The following CELF2 variants were observed in gnomAD, a reference collection of about 807,000 sequenced individuals.
CELF2 encodes the protein CUG triplet repeat RNA-binding protein 2.
A neutral mutation model predicts 62.6 loss-of-function variants in CELF2; 8 were observed. The ratio of observed to expected loss-of-function variants is 0.13; its 90% confidence interval spans 0.07 to 0.23. The LOEUF is 0.23. Ranked by LOEUF, CELF2 falls within the 10% of genes least tolerant of loss-of-function variation. CELF2 has a pLI of 1.00. For missense variants in CELF2, 333 were observed against 671.0 expected (o/e 0.50, Z 5.56); for synonymous variants, 258 against 250.0 (o/e 1.03, Z -0.30).
Position 10,957,023 on chromosome 10 carries a change from C to T in CELF2, c.89+37024C>T, listed in dbSNP as rs1262564036. Among the ~76,000 whole-genome samples, 1 of 152,150 alleles carries T rather than the reference C, an allele frequency of 6.6e-6. No individual in the cohort carries two copies. Among genetic ancestry groups the T allele is most frequent in the Admixed American group, 6.5e-5 (1 of 15,272 alleles). On this transcript the variant is annotated intron_variant, in intron 2 of 13. Coordinates refer to the CELF2 transcript ENST00000636488. The surrounding 1 kb of genome is among the most constrained non-coding windows in gnomAD (Gnocchi z 4.1). ...CTTAGAATGAGCCTAACGCTGCTTC[C>T]TATAACTCCAATGAGTGGCCCCACC...
chr10:11,240,180 A>G (rs2073303504), intron 3 of CELF2, among the ~76,000 whole-genome samples: 1 of 152,248 alleles, frequency 6.6e-6, no homozygotes, highest in African/African-American at 2.4e-5. Flanking sequence ...TGGCATCTTC[A>G]GAGGGTAACA....
chr10:10,714,822 C>T, the CELF2 span, among the ~76,000 whole-genome samples: 4 of 151,994 alleles, frequency 2.6e-5, no homozygotes, highest in Admixed American at 2.6e-4. Context: ...AGAATGTATC[C>T]TCTGTCTTCT....
chr10:11,025,781 A>T (rs987341814), intron 1 of CELF2, among the ~76,000 whole-genome samples: 1 of 152,246 alleles, frequency 6.6e-6, no homozygotes, highest in African/African-American at 2.4e-5. Context: ...AAAGTTTCAC[A>T]TTGTGACCAA....
upstream of CELF2, among the ~76,000 whole-genome samples, chr10:11,013,426 T>G (rs1190626211): frequency 6.6e-6 from 1 of 152,176 alleles, no homozygotes; most frequent in African/African-American, 2.4e-5. The surrounding 1 kb of genome is among the most constrained non-coding windows in gnomAD (Gnocchi z 4.1). Context: ...GATTGGAAGC[T>G]GCAGACCACG....
the CELF2 span, among the ~76,000 whole-genome samples, chr10:10,529,138 C>T: frequency 7.2e-5 from 11 of 152,178 alleles, no homozygotes; most frequent in African/African-American, 2.4e-4. Flanking sequence ...GTTCATATCA[C>T]TCTCCTGGGC....
chr10:10,765,204 C>T, the CELF2 span, among the ~76,000 whole-genome samples: 31 of 152,244 alleles, frequency 2.0e-4, no homozygotes, highest in Non-Finnish European at 4.3e-4. Flanking sequence ...CCATTTTTCA[C>T]TTTGTGGAAA....
chr10:11,104,340 A>G (rs776907048), intron 1 of CELF2, among the ~76,000 whole-genome samples: 13 of 152,212 alleles, frequency 8.5e-5, no homozygotes, highest in Non-Finnish European at 1.9e-4. Context: ...CATACAAAAT[A>G]CTCTGATGAA....
chr10:11,084,789 C>T (rs1041160165), intron 1 of CELF2, among the ~76,000 whole-genome samples: 46 of 151,952 alleles, frequency 3.0e-4, no homozygotes, highest in African/African-American at 1.1e-3. Flanking sequence ...TAAGGTCTGC[C>T]CAGAGAATGT....
At chr10:10,697,057 A>T in the CELF2 span, among the ~76,000 whole-genome samples, 1 of 152,026 alleles carries the variant, frequency 6.6e-6, no homozygotes, top group African/African-American at 2.4e-5. Context: ...TATCTTCAAG[A>T]TGTTTGGTAA....
At chr10:10,700,851 C>A in the CELF2 span, among the ~76,000 whole-genome samples, 1 of 152,184 alleles carries the variant, frequency 6.6e-6, no homozygotes, top group African/African-American at 2.4e-5. Flanking sequence ...CTTTCTTGTT[C>A]ATCAGCCTGG....
chr10:11,225,191 A>G (rs114154881), intron 3 of CELF2, among the ~76,000 whole-genome samples: 13,508 of 152,228 alleles, frequency 0.089, 1,140 homozygotes, highest in African/African-American at 0.22. Flanking sequence ...AAGAATAAAC[A>G]GTAAACGGTG....
chr10:10,869,576 A>AAT (rs1368103470), intron 1 of CELF2, among the ~76,000 whole-genome samples: 1 of 151,356 alleles, frequency 6.6e-6, no homozygotes, highest in Non-Finnish European at 1.5e-5. Context: ...GGGAAAAAAA[A>AAT]ATGGAAACAA....
chr10:10,497,650 A>C, the CELF2 span, among the ~76,000 whole-genome samples: 1 of 152,242 alleles, frequency 6.6e-6, no homozygotes, highest in East Asian at 1.9e-4. Context: ...TCTGCAAGAG[A>C]GTGTTTCAGC....
intron 8 of CELF2, among the ~76,000 whole-genome samples, chr10:11,278,886 C>T (rs1388358312): frequency 1.3e-5 from 2 of 152,190 alleles, no homozygotes; most frequent in African/African-American, 4.8e-5. Context: ...GATGAGCAGA[C>T]TTGTCCAAAG....
At position 11,314,084 on chromosome 10, in the gene CELF2, G is replaced by C. The variant is rs146786975; in HGVS notation, c.977-55G>C. ...TGATGACAGAAGGATTTCCAGTCTC[G>C]GCTCTCACTCACCTCGTGTCTTCTC... On this transcript the variant is annotated intron_variant, in intron 9 of 12. Transcript: ENST00000633077. This position sits in a 1 kb window ranked among gnomAD's most constrained non-coding sequence, Gnocchi z 5.3. 10 of 1,536,314 alleles carry C rather than the reference G, an allele frequency of 6.5e-6. No homozygotes were observed. The highest frequency in any genetic ancestry group is 8.0e-6 in the Non-Finnish European group (9 of 1,123,524).
At chr10:10,854,903 A>T (rs1348455035) in intron 1 of CELF2, among the ~76,000 whole-genome samples, 2 of 151,866 alleles carry the variant, frequency 1.3e-5, no homozygotes, top group African/African-American at 4.8e-5. Context: ...AGTGGGCTCC[A>T]GGGGAGGAAA....
intron 10 of CELF2, chr10:11,317,068 TTA>T (rs1244129185): frequency 6.6e-6 from 1 of 152,216 alleles, no homozygotes; most frequent in Non-Finnish European, 1.5e-5. Flanking sequence ...GTATCTGATT[TTA>T]TGTGTTTCAG....
At chr10:10,903,315 G>A (rs552016345) in intron 1 of CELF2, among the ~76,000 whole-genome samples, 12 of 152,176 alleles carry the variant, frequency 7.9e-5, no homozygotes, top group Non-Finnish European at 1.8e-4. Context: ...AGATGAAAAC[G>A]AAGATGGCTA....
chr10:11,164,112 G>A lies in CELF2; in HGVS notation c.75-1374G>A, dbSNP rs2066373964. 1.3e-5 allele frequency among the ~76,000 whole-genome samples: 2 copies of A among 152,190 alleles called. 1 individual carries two copies. Among genetic ancestry groups the A allele is most frequent in the South Asian group, 4.1e-4 (2 of 4,834 alleles). ...TCTGCTCATGGAGGAGGCTCTGTAG[G>A]GGCAGCTTCTGCCTGCTTTGTTTCG... is the stretch of plus-strand genomic sequence containing the variant. On this transcript the variant is annotated intron_variant, in intron 1 of 12. Coordinates refer to ENST00000633077, the MANE Select transcript of CELF2 (RefSeq NM_001326342.2).
Sources: allele counts gnomAD v4.1 joint callset (sites outside exome capture counted in the v4.1 genomes callset), GRCh38; gene constraint gnomAD v4.1.1; non-coding constraint Gnocchi (gnomAD v3.1); transcripts MANE v1.5; gene names NCBI Gene and HGNC (gene_info 2026-07-23, HGNC 2026-07-21).